NELL1: variants seen among roughly 807,000 people sequenced by gnomAD.
NELL1 encodes the protein protein kinase C-binding protein NELL1.
NELL1 carries 76 observed loss-of-function variants against 107.4 expected under a neutral mutation model. The ratio of observed to expected loss-of-function variants is 0.71; its 90% CI spans 0.59 to 0.86. The LOEUF (loss-of-function observed/expected upper bound fraction) is 0.86. NELL1 is among the 40% of genes least tolerant of loss of function. NELL1 has a pLI of 0.00. For synonymous variants in NELL1, 353 were observed against 341.2 expected (o/e 1.03, Z -0.38); for missense variants, 1,024 against 1,005.5 (o/e 1.02, Z -0.25).
At chr11:20,798,635 G>T (rs542521587) in intron 3 of NELL1, among the ~76,000 whole-genome samples, 85 of 152,312 alleles carry the variant, frequency 5.6e-4, no homozygotes, top group African/African-American at 2.0e-3. Context: ...ATGAAAGATA[G>T]ATTTAACTCC....
At chr11:20,818,369 A>G (rs1298404200) in intron 3 of NELL1, among the ~76,000 whole-genome samples, 14 of 146,866 alleles carry the variant, frequency 9.5e-5, no homozygotes, top group Admixed American at 9.5e-4. Flanking sequence ...GGTTGGTTTG[A>G]AGTCTGTTTC....
In NELL1 at chr11:21,030,693, T is replaced by C. The variant is rs149793549; in HGVS notation, c.1300+70133T>C. On this transcript the variant is annotated intron_variant, in intron 12 of 19. Coordinates refer to ENST00000357134, the MANE Select transcript of NELL1 (RefSeq NM_006157.5). ...AGATATTCAAAGTTGGCAATGCTTT[T>C]GCAAAAAAGATGTTCTAAAACTTAT... Among the ~76,000 whole-genome samples the C allele has an allele frequency of 1.4e-3, 211 of 151,534 alleles. 2 individuals are homozygous for C. The highest frequency in any genetic ancestry group is 5.1e-3 in the African/African-American group (209 of 41,336).
At chr11:21,408,460 G>C (rs993642251) in intron 15 of NELL1, among the ~76,000 whole-genome samples, 1 of 151,988 alleles carries the variant, frequency 6.6e-6, no homozygotes, top group Admixed American at 6.6e-5. Context: ...GAGTTCTTTT[G>C]CTATAGTTTT....
chr11:21,506,635 A>C (rs1027180612), intron 15 of NELL1, among the ~76,000 whole-genome samples: 2 of 152,230 alleles, frequency 1.3e-5, no homozygotes, highest in African/African-American at 4.8e-5. Context: ...TAACATGTGC[A>C]AAGCACATAT....
chr11:20,973,271 G>A (rs550513305), intron 12 of NELL1, among the ~76,000 whole-genome samples: 17 of 151,932 alleles, frequency 1.1e-4, no homozygotes, highest in Middle Eastern at 6.8e-3. Flanking sequence ...ACCACCCCTG[G>A]CTAATTTTGT....
chr11:20,778,079 G>C (rs1856782900), intron 2 of NELL1, among the ~76,000 whole-genome samples: 1 of 152,152 alleles, frequency 6.6e-6, no homozygotes, highest in East Asian at 1.9e-4. Flanking sequence ...ACAGCCATAC[G>C]ATGCTGCTGC....
intron 3 of NELL1, among the ~76,000 whole-genome samples, chr11:20,819,725 G>A (rs1162932186): frequency 6.6e-6 from 1 of 152,108 alleles, no homozygotes; most frequent in African/African-American, 2.4e-5. Context: ...GTTATATCTG[G>A]TTGAAATTCA....
chr11:20,740,881 C>T (rs1442344352), intron 2 of NELL1, among the ~76,000 whole-genome samples: 2 of 152,138 alleles, frequency 1.3e-5, no homozygotes, highest in Non-Finnish European at 2.9e-5. Flanking sequence ...CTGCCTCAGC[C>T]TCCTGAGTAG....
At chr11:21,135,709 CAT>C (rs1483684777) in intron 13 of NELL1, among the ~76,000 whole-genome samples, 1 of 152,034 alleles carries the variant, frequency 6.6e-6, no homozygotes, top group Non-Finnish European at 1.5e-5. Context: ...GCAACTAAAA[CAT>C]ATAACAACAT....
At chr11:21,331,113 T>C (rs1850263006) in intron 14 of NELL1, among the ~76,000 whole-genome samples, 1 of 152,112 alleles carries the variant, frequency 6.6e-6, no homozygotes, top group African/African-American at 2.4e-5. Context: ...CCCTCATATC[T>C]TCCTTAACCT....
chr11:20,870,797 T>C (rs374649930), intron 4 of NELL1, among the ~76,000 whole-genome samples: 1 of 152,240 alleles, frequency 6.6e-6, no homozygotes, highest in South Asian at 2.1e-4. Flanking sequence ...TTTGCTCTTC[T>C]TCCATGATTG....
At chr11:21,439,071 A>AGATG (rs2133843321) in intron 15 of NELL1, among the ~76,000 whole-genome samples, 1 of 151,072 alleles carries the variant, frequency 6.6e-6, no homozygotes, top group South Asian at 2.1e-4. Flanking sequence ...TGCAGGTAAT[A>AGATG]GAGGTGTGAC....
intron 5 of NELL1, among the ~76,000 whole-genome samples, chr11:20,900,277 G>A (rs1849844130): frequency 6.6e-6 from 1 of 152,108 alleles, no homozygotes; most frequent in African/African-American, 2.4e-5. Flanking sequence ...AAATGTGCAT[G>A]GCCTTTTGAG....
chr11:20,992,250 T>C (rs948425972), intron 12 of NELL1, among the ~76,000 whole-genome samples: 3 of 152,220 alleles, frequency 2.0e-5, no homozygotes, highest in African/African-American at 7.2e-5. Flanking sequence ...CTAAGTTTCT[T>C]GCTTAATCCA....
chr11:20,845,739 CTT>C (rs1318851397), intron 3 of NELL1, among the ~76,000 whole-genome samples: 1 of 152,168 alleles, frequency 6.6e-6, no homozygotes. Context: ...CATTAAATGA[CTT>C]TTCTTGCCTC....
At chr11:20,779,951 C>A (rs982547636) in intron 2 of NELL1, among the ~76,000 whole-genome samples, 11 of 152,156 alleles carry the variant, frequency 7.2e-5, no homozygotes, top group African/African-American at 2.7e-4. Flanking sequence ...GAAACCTGTC[C>A]AGTGTTTCTG....
At chr11:20,707,339 A>T (rs1220375011) in intron 2 of NELL1, among the ~76,000 whole-genome samples, 6 of 147,620 alleles carry the variant, frequency 4.1e-5, no homozygotes, top group Non-Finnish European at 3.0e-5. Flanking sequence ...GTTTGTTATT[A>T]CCAATCGTCT....
In NELL1 at chr11:21,470,392, A is replaced by G. The variant is rs557664768; in HGVS notation, c.1646-63982A>G. 4.6e-5 allele frequency among the ~76,000 whole-genome samples: 7 copies of G among 152,122 alleles called. No homozygotes were observed. In the South Asian group the frequency reaches 1.2e-3, roughly 27 times the overall value. On this transcript the variant is annotated intron_variant, in intron 15 of 19. Transcript: ENST00000357134. ...CCAATATCATTTCTTGCCTTCTCTT[A>G]CCTTAAATTTGTATTTCACCATTCA... is the stretch of plus-strand genomic sequence containing the variant.
intron 12 of NELL1, among the ~76,000 whole-genome samples, chr11:21,078,362 A>C (rs1460686581): frequency 6.6e-6 from 1 of 152,162 alleles, no homozygotes; most frequent in African/African-American, 2.4e-5. Flanking sequence ...TAAAGACCCC[A>C]AGAATAATCA....
Sources: gnomAD v4.1 joint callset for allele counts (sites outside exome capture counted in the v4.1 genomes callset) on GRCh38, gnomAD v4.1.1 for gene constraint, MANE v1.5 for transcripts, NCBI Gene and HGNC (gene_info 2026-07-23, HGNC 2026-07-21) for gene names.